IQSEC1: variants seen among roughly 807,000 people sequenced by gnomAD.
IQSEC1 encodes the protein IQ motif and SEC7 domain-containing protein 1.
IQSEC1 carries 31 observed loss-of-function variants against 91.0 expected under a neutral mutation model. The observed-to-expected ratio is 0.34, with a 90% CI of 0.26 to 0.46. The LOEUF (loss-of-function observed/expected upper bound fraction) is 0.46, where lower values mean the gene tolerates loss of function less well. IQSEC1 is among the 20% of genes least tolerant of loss of function. The probability of loss-of-function intolerance (pLI) is 1.00; values close to 1 mark genes in which losing one functional copy is unlikely to be tolerated. For synonymous variants in IQSEC1, 699 were observed against 662.6 expected (o/e 1.05, Z -0.84); for missense variants, 1,388 against 1,575.6 (o/e 0.88, Z 2.02).
chr3:13,073,207 G>C lies in IQSEC1; in HGVS notation c.-193C>G, dbSNP rs919656080. 1.5e-6 allele frequency: 1 copy of C among 662,182 alleles called. No homozygotes were observed. Among genetic ancestry groups the C allele is most frequent in the African/African-American group, 1.8e-5 (1 of 55,590 alleles). The allele number at this position is 662,182 out of a possible 1,614,324, so 41.0% of individuals were successfully genotyped here. A position where few individuals can be genotyped will look rare whatever the true frequency, so the allele number is the denominator to read the frequency against. On this transcript the variant is annotated 5_prime_UTR_variant, in exon 1 of 14. Transcript: ENST00000613206. Reference sequence around the variant, plus strand: ...GGGAGCGGGGGGCGGCGCCAGCAGCGGGCTGTGGAGGGCCCTGGCACGTAG... The same window carrying C: ...GGGAGCGGGGGGCGGCGCCAGCAGCCGGCTGTGGAGGGCCCTGGCACGTAG...
chr3:13,209,478 G>A (rs1410896673), intron 1 of IQSEC1, among the ~76,000 whole-genome samples: 1 of 152,142 alleles, frequency 6.6e-6, no homozygotes, highest in South Asian at 2.1e-4. Context: ...GCTTCCTCGC[G>A]CAGGCTGTGC....
Position 12,992,576 on chromosome 3 carries a change from GGTGGA to G in IQSEC1, c.24-50716_24-50712del, listed in dbSNP as rs1702038605. 6.6e-6 allele frequency among the ~76,000 whole-genome samples: 1 copy of G among 152,142 alleles called. No homozygotes were observed. Among genetic ancestry groups the G allele is most frequent in the African/African-American group, 2.4e-5 (1 of 41,418 alleles). On this transcript the variant is annotated intron_variant, in intron 1 of 13. Coordinates refer to ENST00000613206, the MANE Select transcript of IQSEC1 (RefSeq NM_001134382.3). This position sits in a 1 kb window ranked among gnomAD's most constrained non-coding sequence, Gnocchi z 4.1. ...GCACAGGCCAATGTGTCCACTGCCT[GGTGGA>G]GCCTGACCACAAAATGAAACGGTGG...
At position 12,899,131 on chromosome 3, in the gene IQSEC1, G is replaced by C. The variant is rs1693949098; in HGVS notation, c.*1852C>G. ...AAAGTGCTTGGTTTGCAGATTTGCT[G>C]GTACGGTGATCTCAATGATATGACC... On this transcript the variant is annotated 3_prime_UTR_variant, in exon 14 of 14. Coordinates refer to ENST00000613206, the MANE Select transcript of IQSEC1 (RefSeq NM_001134382.3). 1 of 534,830 alleles carries C rather than the reference G, an allele frequency of 1.9e-6. No homozygotes were observed. Among genetic ancestry groups the C allele is most frequent in the Admixed American group, 3.3e-5 (1 of 30,584 alleles). 33.1% of individuals were successfully genotyped at this position (534,830 alleles called of 1,614,324 possible). A position where few individuals can be genotyped will look rare whatever the true frequency, so the allele number is the denominator to read the frequency against.
intron 3 of IQSEC1, among the ~76,000 whole-genome samples, chr3:12,932,716 G>T (rs965305200): frequency 3.9e-5 from 6 of 152,176 alleles, no homozygotes; most frequent in Non-Finnish European, 7.3e-5. Context: ...GAGAGTTCAG[G>T]GAGTTGCCCC....
intron 1 of IQSEC1, among the ~76,000 whole-genome samples, chr3:12,968,185 C>T (rs1407405228): frequency 6.6e-6 from 1 of 152,184 alleles, no homozygotes; most frequent in Non-Finnish European, 1.5e-5. Flanking sequence ...ATTTTGCCTT[C>T]AGTTTATAAA....
At chr3:13,021,781 G>A (rs1703409364) in intron 1 of IQSEC1, among the ~76,000 whole-genome samples, 2 of 152,232 alleles carry the variant, frequency 1.3e-5, no homozygotes, top group Non-Finnish European at 2.9e-5. Flanking sequence ...TGTAACACAT[G>A]CTGCACCTGC....
intron 1 of IQSEC1, among the ~76,000 whole-genome samples, chr3:13,219,291 G>A (rs2125072361): frequency 6.6e-6 from 1 of 152,316 alleles, no homozygotes; most frequent in African/African-American, 2.4e-5. Context: ...GAAGCCGAAG[G>A]TCAGCGGACT....
At chr3:13,191,885 A>C (rs11717784) in intron 1 of IQSEC1, among the ~76,000 whole-genome samples, 33,938 of 151,936 alleles carry the variant, frequency 0.22, 3,972 homozygotes, top group East Asian at 0.37. Flanking sequence ...TGTCCCATGG[A>C]TGTTTTCATT....
intron 1 of IQSEC1, among the ~76,000 whole-genome samples, chr3:13,005,026 T>C (rs1292809243): frequency 6.6e-6 from 1 of 152,212 alleles, no homozygotes; most frequent in African/African-American, 2.4e-5. Context: ...CACGTGAACA[T>C]CTTTCAAACC....
At position 12,915,114 on chromosome 3, in the gene IQSEC1, C is replaced by A; in HGVS notation, c.2180G>T (p.Gly727Val). The A allele has an allele frequency of 6.2e-7, 1 of 1,608,676 alleles. No homozygotes were observed. Among genetic ancestry groups the A allele is most frequent in the Non-Finnish European group, 8.5e-7 (1 of 1,177,100 alleles). ...GKKPIGSLHP[G>V]LGCVLSLPHR... ...CAGAGAAATACTCACACAGCCGAGCCCGGGATGCAGGGATCCGATCTGCGG... is the reference window on the plus strand; with the variant it reads ...CAGAGAAATACTCACACAGCCGAGCACGGGATGCAGGGATCCGATCTGCGG... The change falls in exon 8 of 14, where the codon GGG becomes GTG. Residue 727 changes from glycine to valine, a missense_variant. Gly to Val is a moderately radical substitution (Grantham distance 109). This residue lies in a region of IQSEC1 where 1,059 missense variants were observed against 1,317.8 expected (regional missense o/e 0.80). Coordinates refer to ENST00000613206, the MANE Select transcript of IQSEC1 (RefSeq NM_001134382.3).
In IQSEC1 at chr3:13,103,935, C is replaced by T. The variant is rs915444887; in HGVS notation, c.303-56413G>A. Among the ~76,000 whole-genome samples, 6 of 152,174 alleles carry T rather than the reference C, an allele frequency of 3.9e-5. No homozygotes were observed. Among genetic ancestry groups the T allele is most frequent in the African/African-American group, 9.7e-5 (4 of 41,434 alleles). On this transcript the variant is annotated intron_variant, in intron 2 of 15. Transcript: ENST00000648114. The surrounding 1 kb of genome is among the most constrained non-coding windows in gnomAD (Gnocchi z 4.1). ...CAGGTATTCTTCTATTTAATCTTCA[C>T]GGCACTCCCTGAGGTGGGTGCTACT...
chr3:13,154,388 C>T (rs1707047375), intron 2 of IQSEC1, among the ~76,000 whole-genome samples: 1 of 139,276 alleles, frequency 7.2e-6, no homozygotes, highest in Non-Finnish European at 1.5e-5. Context: ...TCTGCACCCA[C>T]AGATTCACTG....
chr3:13,029,960 G>A (rs1703781868), intron 1 of IQSEC1, among the ~76,000 whole-genome samples: 1 of 152,012 alleles, frequency 6.6e-6, no homozygotes, highest in African/African-American at 2.4e-5. Context: ...CTCCACCCTC[G>A]TCCCACCTTT....
chr3:12,968,697 G>T lies in IQSEC1; in HGVS notation c.24-26832C>A, dbSNP rs201266593. 5.1e-4 allele frequency among the ~76,000 whole-genome samples: 77 copies of T among 152,210 alleles called. 1 individual carries two copies. Among genetic ancestry groups the T allele is most frequent in the Admixed American group, 5.0e-3 (77 of 15,286 alleles). ...TACAGTGCCCAGCGCCCACACCTGT[G>T]GAATGCCTAGACGTGGTTGGGAGAC... On this transcript the variant is annotated intron_variant, in intron 1 of 13. Coordinates refer to ENST00000613206, the MANE Select transcript of IQSEC1 (RefSeq NM_001134382.3).
chr3:12,902,538 T>C (rs1263676723), intron 13 of IQSEC1, among the ~76,000 whole-genome samples: 2 of 150,328 alleles, frequency 1.3e-5, no homozygotes, highest in African/African-American at 4.9e-5. Context: ...GTGAGAGGCA[T>C]GGATATTTCT....
In IQSEC1 at chr3:13,003,276, C is replaced by CAAAAA. The variant is rs56239928; in HGVS notation, c.24-61416_24-61412dup. ...AACAAAGTGAGACCCCTGTCTCTAC[C>CAAAAA]AAAAAAAAAAAAAAAAAAAAAAAGG... is the stretch of plus-strand genomic sequence containing the variant. On this transcript the variant is annotated intron_variant, in intron 1 of 13. Transcript: ENST00000613206. Among the ~76,000 whole-genome samples the CAAAAA allele has an allele frequency of 6.5e-4, 37 of 57,074 alleles. 1 individual carries two copies. Among genetic ancestry groups the CAAAAA allele is most frequent in the East Asian group, 2.0e-3 (3 of 1,480 alleles). 37.4% of individuals were successfully genotyped at this position (57,074 alleles called of 152,430 possible).
chr3:13,208,858 G>A (rs1694390323), intron 1 of IQSEC1, among the ~76,000 whole-genome samples: 1 of 152,210 alleles, frequency 6.6e-6, no homozygotes, highest in African/African-American at 2.4e-5. Flanking sequence ...CTGCCCTGCC[G>A]TGGAGTGCCT....
rs956554726 is a variant in IQSEC1 at position 12,908,755 on chromosome 3, T to C, written c.2579-230A>G. On this transcript the variant is annotated intron_variant, in intron 11 of 13. Transcript: ENST00000613206. The surrounding 1 kb of genome is among the most constrained non-coding windows in gnomAD (Gnocchi z 4.9). ...AGGGCCTTGTGACCTGCAGGAAGGATAGTCACCTTCCAGGCTCGGGAGTGG... is the reference window on the plus strand; with the variant it reads ...AGGGCCTTGTGACCTGCAGGAAGGACAGTCACCTTCCAGGCTCGGGAGTGG... Among the ~76,000 whole-genome samples, 2 of 151,890 alleles carry C rather than the reference T, an allele frequency of 1.3e-5. No homozygotes were observed. Among genetic ancestry groups the C allele is most frequent in the African/African-American group, 4.8e-5 (2 of 41,340 alleles).
At position 13,277,137 on chromosome 3, in the gene IQSEC1, A is replaced by AAAAAAAC. The variant is rs60347391; in HGVS notation, c.272+5573_272+5574insGTTTTTT. Among the ~76,000 whole-genome samples the AAAAAAAC allele has an allele frequency of 2.1e-4, 25 of 118,386 alleles. 2 individuals carry two copies. The highest frequency in any genetic ancestry group is 9.1e-4 in the African/African-American group (25 of 27,466). The allele number at this position is 118,386 out of a possible 152,430, so 77.7% of individuals were successfully genotyped here. A position where few individuals can be genotyped will look rare whatever the true frequency, so the allele number is the denominator to read the frequency against. ...AAAAAAAAAAAAAAAAAAAAAAAAAACAGAAAACAAGACACAAAAGACCGG... is the reference window on the plus strand; with the variant it reads ...AAAAAAAAAAAAAAAAAAAAAAAAAAAAAAAACCAGAAAACAAGACACAAAAGACCGG... On this transcript the variant is annotated intron_variant, in intron 1 of 15. Transcript: ENST00000648114.
Sources: gnomAD v4.1 joint callset for allele counts (sites outside exome capture counted in the v4.1 genomes callset) on GRCh38, gnomAD v4.1.1 for gene constraint, gnomAD v4.1.1 regional missense constraint, Gnocchi (gnomAD v3.1) non-coding constraint, MANE v1.5 for transcripts, NCBI Gene and HGNC (gene_info 2026-07-23, HGNC 2026-07-21) for gene names.